DIS3L2: variants seen among roughly 807,000 people sequenced by gnomAD.
DIS3L2 encodes the protein DIS3 like 3'-5' exoribonuclease 2, also known as DIS3-like exonuclease 2.
DIS3L2 carries 34 observed loss-of-function variants against 97.5 expected under a neutral mutation model. The observed-to-expected ratio is 0.35, with a 90% CI of 0.27 to 0.46. The LOEUF (loss-of-function observed/expected upper bound fraction) is 0.46, where lower values mean the gene tolerates loss of function less well. Among genes scored for constraint, DIS3L2 ranks in the 20% least tolerant of loss-of-function variants. The pLI is 1.00. For missense variants in DIS3L2, 1,038 were observed against 1,146.0 expected, an observed-to-expected ratio of 0.91 and a Z score of 1.36; for synonymous variants, 435 against 445.2, an observed-to-expected ratio of 0.98 and a Z score of 0.29.
At chr2:232,100,776 A>G (rs185013484) in intron 6 of DIS3L2, among the ~76,000 whole-genome samples, 131 of 150,900 alleles carry the variant, frequency 8.7e-4, no homozygotes, top group African/African-American at 3.1e-3. Flanking sequence ...CTATATTTTT[A>G]AATATTACAC....
At position 232,334,717 on chromosome 2, in the gene DIS3L2, G is replaced by A. The variant is rs1402097065; in HGVS notation, c.2376G>A (p.Gln792=). The A allele has an allele frequency of 1.9e-6, 3 of 1,607,796 alleles. No individual in the cohort carries two copies. Among genetic ancestry groups the A allele is most frequent in the East Asian group, 2.2e-5 (1 of 44,484 alleles). The part of the protein sequence containing the change: ...FDVLVLRYGV[Q]KRIYCNALAL... ...TGCTGGTGCTGCGCTACGGCGTGCA[G>A]AAGCGCATCTACTGCAACGTGAGTG... Residue 792 remains glutamine (Q), a synonymous_variant, in exon 19 of 21, where the codon CAG becomes CAA. Transcript: ENST00000325385.
At position 232,276,986 on chromosome 2, in the gene DIS3L2, A is replaced by G. The variant is rs142721083; in HGVS notation, c.1659+13546A>G. ...ACACAGAGGTGAACTTGGAAGGACT[A>G]CAGTAAACGATGGTGGCCATCAGCA... On this transcript the variant is annotated intron_variant, in intron 13 of 20. Coordinates refer to ENST00000325385, the MANE Select transcript of DIS3L2 (RefSeq NM_152383.5). This position sits in a 1 kb window ranked among gnomAD's most constrained non-coding sequence, Gnocchi z 4.4. 5.9e-5 allele frequency among the ~76,000 whole-genome samples: 9 copies of G among 152,352 alleles called. No individual in the cohort carries two copies. Among genetic ancestry groups the G allele is most frequent in the Non-Finnish European group, 2.9e-5 (2 of 68,028 alleles).
chr2:232,190,981 A>G (rs901063240), intron 9 of DIS3L2, among the ~76,000 whole-genome samples: 1 of 152,256 alleles, frequency 6.6e-6, no homozygotes, highest in Non-Finnish European at 1.5e-5. Flanking sequence ...GGACAAAGCT[A>G]GAACAGAAGT....
In DIS3L2 at chr2:232,274,021, G is replaced by A. The variant is rs193295939; in HGVS notation, c.1659+10581G>A. Among the ~76,000 whole-genome samples the A allele has an allele frequency of 1.7e-3, 261 of 152,304 alleles. 2 individuals carry two copies. Among genetic ancestry groups the A allele is most frequent in the African/African-American group, 6.1e-3 (254 of 41,568 alleles). The stretch of plus-strand genomic sequence containing the variant: ...AGAGGTTCTGTGTTAGCTGCTGCTG[G>A]ACTGTCTAAGAGAGGAAGATAACTT... On this transcript the variant is annotated intron_variant, in intron 13 of 20. Coordinates refer to ENST00000325385, the MANE Select transcript of DIS3L2 (RefSeq NM_152383.5).
intron 5 of DIS3L2, among the ~76,000 whole-genome samples, chr2:232,035,279 T>C (rs1026627956): frequency 1.3e-5 from 2 of 152,222 alleles, no homozygotes; most frequent in African/African-American, 4.8e-5. Context: ...TTTTGATCTT[T>C]GTTGGTTTAA....
chr2:232,231,684 C>T (rs747569540), intron 10 of DIS3L2, among the ~76,000 whole-genome samples: 1 of 152,250 alleles, frequency 6.6e-6, no homozygotes, highest in Non-Finnish European at 1.5e-5. Context: ...GGAGAGGGCT[C>T]AGCACCTGCA....
intron 14 of DIS3L2, among the ~76,000 whole-genome samples, chr2:232,326,458 G>A (rs1695578925): frequency 6.6e-6 from 1 of 152,196 alleles, no homozygotes; most frequent in Admixed American, 6.5e-5. Flanking sequence ...AGCCACCCCA[G>A]GGTGCCACCG....
At chr2:232,027,793 G>C (rs16828569) in intron 4 of DIS3L2, among the ~76,000 whole-genome samples, 1,874 of 152,154 alleles carry the variant, frequency 0.012, 84 homozygotes, top group East Asian at 0.067. Context: ...ATGTGTACTT[G>C]CTAGTTTTGT....
chr2:232,336,981 G>A lies in DIS3L2; in HGVS notation c.*351G>A. ...TAAAATCAAGTGTGGAGTGCCATCT[G>A]GTGTGTAGGGCGCCTCTGGGAAGCC... On this transcript the variant is annotated 3_prime_UTR_variant, in exon 21 of 21. Coordinates refer to ENST00000325385, the MANE Select transcript of DIS3L2 (RefSeq NM_152383.5). 8.8e-7 allele frequency: 1 copy of A among 1,134,992 alleles called. No individual in the cohort carries two copies. Among genetic ancestry groups the A allele is most frequent in the Non-Finnish European group, 1.1e-6 (1 of 920,218 alleles). 70.3% of individuals were successfully genotyped at this position (1,134,992 alleles called of 1,614,324 possible). A position where few individuals can be genotyped will look rare whatever the true frequency, so the allele number is the denominator to read the frequency against.
At chr2:232,072,540 C>T (rs1162232801) in intron 5 of DIS3L2, among the ~76,000 whole-genome samples, 1 of 152,044 alleles carries the variant, frequency 6.6e-6, no homozygotes, top group Non-Finnish European at 1.5e-5. Context: ...AGGTAGGATT[C>T]TGTTTCTGGC....
At chr2:231,989,375 ATG>A (rs1693520129) in intron 1 of DIS3L2, among the ~76,000 whole-genome samples, 2 of 114,790 alleles carry the variant, frequency 1.7e-5, no homozygotes, top group Non-Finnish European at 3.6e-5. Flanking sequence ...GTGTGTGTGT[ATG>A]TGTGTGTTTG....
intron 13 of DIS3L2, among the ~76,000 whole-genome samples, chr2:232,284,854 A>T (rs1694385438): frequency 6.6e-6 from 1 of 152,118 alleles, no homozygotes; most frequent in African/African-American, 2.4e-5. Context: ...GCCAACCTTT[A>T]TCCTGAACCT....
At chr2:232,219,309 A>G (rs1692431132) in intron 10 of DIS3L2, among the ~76,000 whole-genome samples, 1 of 152,138 alleles carries the variant, frequency 6.6e-6, no homozygotes, top group African/African-American at 2.4e-5. Flanking sequence ...TACCTTGGAT[A>G]TCTCTACTTC....
At position 232,087,644 on chromosome 2, in the gene DIS3L2, C is replaced by CAGA. The variant is rs1412955553; in HGVS notation, c.528_530dup (p.Glu176dup). ...GAGGCTCAGTTTGATGGCAGCGACT[C>CAGA]AGAAGATGGACATGGCATCACACAA... On this transcript the variant is annotated inframe_insertion, in exon 6 of 21. Transcript: ENST00000325385. 1.1e-5 allele frequency: 17 copies of CAGA among 1,614,008 alleles called. No homozygotes were observed. The highest frequency in any genetic ancestry group is 1.4e-5 in the Non-Finnish European group (16 of 1,180,046).
intron 14 of DIS3L2, among the ~76,000 whole-genome samples, chr2:232,316,229 G>A (rs917416141): frequency 2.6e-5 from 4 of 152,112 alleles, no homozygotes; most frequent in African/African-American, 9.7e-5. Flanking sequence ...TAATGTTTGT[G>A]CTACCTAGAA....
intron 12 of DIS3L2, among the ~76,000 whole-genome samples, chr2:232,254,119 A>G (rs1229773383): frequency 1.3e-5 from 2 of 152,210 alleles, no homozygotes; most frequent in Non-Finnish European, 2.9e-5. Context: ...AGTGACTACT[A>G]ATGCCTTGGT....
At chr2:232,282,127 C>T (rs1273468930) in intron 13 of DIS3L2, among the ~76,000 whole-genome samples, 1 of 145,692 alleles carries the variant, frequency 6.9e-6, no homozygotes, top group African/African-American at 2.6e-5. Context: ...TCCAGCTGAG[C>T]CCTTCTCGTT....
chr2:232,203,842 G>A (rs1691961241), intron 9 of DIS3L2, among the ~76,000 whole-genome samples: 1 of 152,196 alleles, frequency 6.6e-6, no homozygotes, highest in Non-Finnish European at 1.5e-5. Flanking sequence ...TTAACTGCAA[G>A]GTAGGTCTTA....
At chr2:232,154,033 A>T (rs1690400606) in intron 8 of DIS3L2, among the ~76,000 whole-genome samples, 1 of 126,956 alleles carries the variant, frequency 7.9e-6, no homozygotes, top group Non-Finnish European at 1.6e-5. Context: ...GTAGTTCTCG[A>T]GCCTTGGTTT....
Sources: allele counts gnomAD v4.1 joint callset (sites outside exome capture counted in the v4.1 genomes callset), GRCh38; gene constraint gnomAD v4.1.1; non-coding constraint Gnocchi (gnomAD v3.1); transcripts MANE v1.5; gene names NCBI Gene and HGNC (gene_info 2026-07-23, HGNC 2026-07-21).